Variants in CALN1 observed in about 807,000 individuals in gnomAD.
CALN1 encodes the protein calcium-binding protein 8.
A neutral mutation model predicts 30.6 loss-of-function variants in CALN1; 17 were observed. The ratio of observed to expected loss-of-function variants is 0.56; its 90% CI spans 0.38 to 0.83. CALN1 has a LOEUF of 0.83. CALN1 is among the 40% of genes least tolerant of loss of function. CALN1 has a pLI of 0.00. For missense variants in CALN1, 291 were observed against 354.9 expected (o/e 0.82, Z 1.45); for synonymous variants, 156 against 131.4 (o/e 1.19, Z -1.28).
intron 5 of CALN1, among the ~76,000 whole-genome samples, chr7:71,843,254 A>T (rs906943171): frequency 2.0e-5 from 3 of 152,108 alleles, no homozygotes; most frequent in Non-Finnish European, 4.4e-5. Flanking sequence ...AATGCAATGG[A>T]GCACCATCTT....
chr7:72,338,702 T>G (rs1195941823), intron 2 of CALN1, among the ~76,000 whole-genome samples: 2 of 152,078 alleles, frequency 1.3e-5, no homozygotes, highest in African/African-American at 2.4e-5. Flanking sequence ...GTGTACATAT[T>G]TATGGGGTAC....
chr7:72,484,317 G>T, the CALN1 span, among the ~76,000 whole-genome samples: 907 of 151,784 alleles, frequency 6.0e-3, 13 homozygotes, highest in African/African-American at 0.02. Context: ...TATCTATTTG[G>T]GTCTTGATTT....
At position 72,175,295 on chromosome 7, in the gene CALN1, G is replaced by A. The variant is rs541386973; in HGVS notation, c.245-69001C>T. On this transcript the variant is annotated intron_variant, in intron 3 of 6. Coordinates refer to ENST00000395275, the MANE Select transcript of CALN1 (RefSeq NM_031468.4). ...TCACCGTGTTAGCCAGGATGGTCTC[G>A]ATCTCCTGACCTCATGATCTGCCCG... Among the ~76,000 whole-genome samples the A allele has an allele frequency of 4.7e-3, 713 of 152,164 alleles. 6 individuals carry two copies. Among genetic ancestry groups the A allele is most frequent in the Non-Finnish European group, 4.5e-3 (308 of 67,980 alleles).
At chr7:72,215,095 C>T (rs555350138) in intron 3 of CALN1, among the ~76,000 whole-genome samples, 20 of 152,220 alleles carry the variant, frequency 1.3e-4, no homozygotes, top group African/African-American at 4.3e-4. Context: ...CGACATCCCC[C>T]ACTGCTCCAT....
chr7:71,881,645 C>A (rs1792574541), intron 5 of CALN1, among the ~76,000 whole-genome samples: 2 of 152,152 alleles, frequency 1.3e-5, no homozygotes, highest in African/African-American at 4.8e-5. Flanking sequence ...AGCTCAACAG[C>A]CTTACCTAGG....
chr7:72,278,636 A>G, intron 3 of CALN1, 50 bp downstream of exon 3: 1 of 1,589,280 alleles, frequency 6.3e-7, no homozygotes, highest in Non-Finnish European at 8.6e-7. Flanking sequence ...ATAGCCAGAA[A>G]CACCTCCCTG....
At chr7:72,256,027 CTAAA>C (rs1325401435) in intron 3 of CALN1, among the ~76,000 whole-genome samples, 1 of 152,234 alleles carries the variant, frequency 6.6e-6, no homozygotes, top group Non-Finnish European at 1.5e-5. Flanking sequence ...CGCGCCCTGC[CTAAA>C]TAAATATTCT....
intron 5 of CALN1, among the ~76,000 whole-genome samples, chr7:71,993,579 C>A (rs2129528015): frequency 6.6e-6 from 1 of 152,044 alleles, no homozygotes; most frequent in Middle Eastern, 3.4e-3. Context: ...GCCTCCACCT[C>A]CTGAGTAGCT....
intron 3 of CALN1, among the ~76,000 whole-genome samples, chr7:72,118,123 C>G: frequency 6.6e-6 from 1 of 152,088 alleles, no homozygotes; most frequent in Non-Finnish European, 1.5e-5. Flanking sequence ...CATTCCTGGC[C>G]TTTCTCATTA....
At chr7:72,420,504 C>T (rs1026552331) in intron 1 of CALN1, among the ~76,000 whole-genome samples, 5 of 151,902 alleles carry the variant, frequency 3.3e-5, no homozygotes, top group African/African-American at 1.2e-4. Context: ...CTGGCATTCA[C>T]CTGGGCACCT....
chr7:72,166,293 C>G (rs938483234), intron 3 of CALN1, among the ~76,000 whole-genome samples: 2 of 152,142 alleles, frequency 1.3e-5, no homozygotes. Flanking sequence ...CCTCTAACTC[C>G]TAGGCTCAAG....
intron 5 of CALN1, among the ~76,000 whole-genome samples, chr7:71,872,620 C>CT (rs530642979): frequency 0.01 from 1,468 of 142,008 alleles, 59 homozygotes; most frequent in East Asian, 0.1. Flanking sequence ...TTCTTTTTTT[C>CT]TTTTTTTTTT....
rs1053064337 is a variant in CALN1, at chr7:71,783,194, G to A, written c.*4581C>T. On this transcript the variant is annotated 3_prime_UTR_variant, in exon 7 of 7. Transcript: ENST00000395275. ...GATCACTGAAGAGGCCAATGAGAAT[G>A]TTCTGATTTGAGGTCTTTTAAGACA... The A allele has an allele frequency of 6.6e-6, 1 of 152,100 alleles. No homozygotes were observed. Among genetic ancestry groups the A allele is most frequent in the African/African-American group, 2.4e-5 (1 of 41,372 alleles). 9.4% of individuals were successfully genotyped at this position (152,100 alleles called of 1,614,324 possible).
intron 3 of CALN1, among the ~76,000 whole-genome samples, chr7:72,156,641 G>A (rs1469864482): frequency 1.3e-5 from 2 of 152,230 alleles, no homozygotes; most frequent in Admixed American, 1.3e-4. Context: ...TGCAGCTCAA[G>A]CTGGGCATCC....
In CALN1 at chr7:72,197,957, C is replaced by G. The variant is rs187266933; in HGVS notation, c.244+80729G>C. Among the ~76,000 whole-genome samples, 63 of 152,168 alleles carry G rather than the reference C, an allele frequency of 4.1e-4. 1 individual carries two copies. Among genetic ancestry groups the G allele is most frequent in the Admixed American group, 3.5e-3 (53 of 15,288 alleles). On this transcript the variant is annotated intron_variant, in intron 3 of 6. Coordinates refer to ENST00000395275, the MANE Select transcript of CALN1 (RefSeq NM_031468.4). ...TTGAGGAATTTAAGACACCTTTCTT[C>G]GTGGTCTAATCTAGAATCAGGTTTT...
intron 5 of CALN1, among the ~76,000 whole-genome samples, chr7:71,960,415 G>C (rs1224769078): frequency 6.6e-6 from 1 of 152,110 alleles, no homozygotes; most frequent in Admixed American, 6.6e-5. Flanking sequence ...TTGTAAGTGA[G>C]AACATGTGGT....
At chr7:71,972,893 T>C (rs1797918981) in intron 5 of CALN1, among the ~76,000 whole-genome samples, 2 of 152,118 alleles carry the variant, frequency 1.3e-5, no homozygotes, top group South Asian at 2.1e-4. Flanking sequence ...TTGTTCCCCA[T>C]ATTTTGCAGC....
chr7:72,383,716 C>A (rs1333769492), intron 2 of CALN1, among the ~76,000 whole-genome samples: 1 of 152,148 alleles, frequency 6.6e-6, no homozygotes, highest in Non-Finnish European at 1.5e-5. Flanking sequence ...GAGAAACGTC[C>A]TGTCTGAAAA....
chr7:72,345,991 C>T (rs1440282809), intron 2 of CALN1, among the ~76,000 whole-genome samples: 1 of 152,038 alleles, frequency 6.6e-6, no homozygotes, highest in East Asian at 1.9e-4. Context: ...GAAAATCAAA[C>T]ATAGGAAATT....
Sources: allele counts gnomAD v4.1 joint callset (sites outside exome capture counted in the v4.1 genomes callset), GRCh38; gene constraint gnomAD v4.1.1; transcripts MANE v1.5; gene names NCBI Gene and HGNC (gene_info 2026-07-23, HGNC 2026-07-21).